FAT3: variants seen among roughly 807,000 people sequenced by gnomAD.
The protein encoded by FAT3 is FAT atypical cadherin 3.
Under a neutral mutation model 310.2 loss-of-function variants are expected in FAT3, and 95 were observed. The observed-to-expected ratio is 0.31, with a 90% CI of 0.26 to 0.36. The LOEUF is 0.36. FAT3 is among the 10% of genes least tolerant of loss of function. FAT3 has a pLI of 1.00. For synonymous variants in FAT3, 2,314 were observed against 2,192.9 expected, an observed-to-expected ratio of 1.06 and a Z score of -1.54; for missense variants, 5,408 against 5,715.6, an observed-to-expected ratio of 0.95 and a Z score of 1.74.
At chr11:92,471,951 A>G (rs907559549) in intron 2 of FAT3, among the ~76,000 whole-genome samples, 3 of 115,320 alleles carry the variant, frequency 2.6e-5, no homozygotes, top group East Asian at 2.6e-4. Flanking sequence ...ATATATATAT[A>G]TATATTCTGT....
At chr11:92,618,263 G>A (rs7928769) in intron 3 of FAT3, among the ~76,000 whole-genome samples, 1,761 of 152,328 alleles carry the variant, frequency 0.012, 41 homozygotes, top group African/African-American at 0.04. Context: ...CGCCATGGGT[G>A]TAGAACCCTC....
intron 2 of FAT3, among the ~76,000 whole-genome samples, chr11:92,461,925 C>T (rs1383444471): frequency 1.3e-5 from 2 of 152,158 alleles, no homozygotes; most frequent in African/African-American, 4.8e-5. Flanking sequence ...TTTGAAGGTA[C>T]TCCCACCCTT....
intron 2 of FAT3, among the ~76,000 whole-genome samples, chr11:92,493,724 G>A (rs748838848): frequency 6.6e-6 from 1 of 152,098 alleles, no homozygotes; most frequent in Non-Finnish European, 1.5e-5. Context: ...ATGTGGCCTA[G>A]TGCTTATAAT....
At chr11:92,521,140 GGT>G (rs144244070) in intron 2 of FAT3, among the ~76,000 whole-genome samples, 2 of 151,294 alleles carry the variant, frequency 1.3e-5, no homozygotes, top group Non-Finnish European at 1.5e-5. Context: ...AAAGTGCTTT[GGT>G]GTGTGTGTGT....
At chr11:92,507,448 G>A (rs905016172) in intron 2 of FAT3, among the ~76,000 whole-genome samples, 1 of 151,864 alleles carries the variant, frequency 6.6e-6, no homozygotes, top group African/African-American at 2.4e-5. Flanking sequence ...CATGTACTCT[G>A]ATGCTTTTAT....
At chr11:92,289,025 C>T (rs1011288664) in intron 1 of FAT3, among the ~76,000 whole-genome samples, 2 of 152,112 alleles carry the variant, frequency 1.3e-5, no homozygotes, top group Non-Finnish European at 2.9e-5. Context: ...TCAGGCCCTG[C>T]TTGCGGGACT....
intron 2 of FAT3, among the ~76,000 whole-genome samples, chr11:92,482,777 A>G (rs966216228): frequency 6.6e-6 from 1 of 152,062 alleles, no homozygotes; most frequent in Non-Finnish European, 1.5e-5. Flanking sequence ...TTCCTCAACT[A>G]CATATTCGCC....
At chr11:92,733,309 T>C (rs1440202085) in intron 4 of FAT3, among the ~76,000 whole-genome samples, 1 of 151,936 alleles carries the variant, frequency 6.6e-6, no homozygotes, top group African/African-American at 2.4e-5. Flanking sequence ...CTGATGTTAC[T>C]AGCTGAAGCC....
intron 1 of FAT3, among the ~76,000 whole-genome samples, chr11:92,299,256 C>T (rs770392278): frequency 6.6e-6 from 1 of 152,068 alleles, no homozygotes; most frequent in Non-Finnish European, 1.5e-5. Flanking sequence ...TTGTATTAGG[C>T]ATCCTGGAAG....
intron 3 of FAT3, among the ~76,000 whole-genome samples, chr11:92,569,586 T>A (rs1366772644): frequency 5.3e-5 from 8 of 152,222 alleles, no homozygotes; most frequent in Admixed American, 5.2e-4. Flanking sequence ...TTTCCAGTTG[T>A]ACTGGTGGGA....
intron 14 of FAT3, among the ~76,000 whole-genome samples, chr11:92,833,376 G>A (rs1197332631): frequency 6.6e-6 from 1 of 152,002 alleles, no homozygotes; most frequent in Non-Finnish European, 1.5e-5. Context: ...TTTTCCTTTG[G>A]GTAGTCCAGT....
intron 4 of FAT3, among the ~76,000 whole-genome samples, chr11:92,707,809 A>T (rs528482392): frequency 6.6e-5 from 10 of 152,340 alleles, no homozygotes; most frequent in African/African-American, 2.4e-4. Context: ...ACTGAAGCTC[A>T]TGCCTAATGT....
At chr11:92,238,202 TC>T (rs1435119135) in intron 1 of FAT3, among the ~76,000 whole-genome samples, 1 of 152,160 alleles carries the variant, frequency 6.6e-6, no homozygotes, top group Non-Finnish European at 1.5e-5. Context: ...AACATGAGTA[TC>T]AGGTGGATTT....
intron 3 of FAT3, among the ~76,000 whole-genome samples, chr11:92,541,625 C>T (rs185983648): frequency 4.6e-5 from 7 of 152,198 alleles, no homozygotes; most frequent in Admixed American, 2.0e-4. Flanking sequence ...TCTCAAAGTG[C>T]TTTGGGAATT....
intron 1 of FAT3, among the ~76,000 whole-genome samples, chr11:92,294,509 C>A (rs942486831): frequency 2.6e-5 from 4 of 151,858 alleles, no homozygotes; most frequent in African/African-American, 9.7e-5. Flanking sequence ...AAGTGTGGAC[C>A]TATGTAGGAC....
rs533727323 is a variant in FAT3 at position 92,689,569 on chromosome 11, A to T, written c.3608-7815A>T. ...TGCATAAGTGCATCCTCATCTAGGC[A>T]GAATCGGAAGGCAGAACCGGAGGGC... is the stretch of plus-strand genomic sequence containing the variant. On this transcript the variant is annotated intron_variant, in intron 3 of 27. Transcript: ENST00000525166. 1.6e-4 allele frequency among the ~76,000 whole-genome samples: 25 copies of T among 152,312 alleles called. 1 individual carries two copies. The highest frequency in any genetic ancestry group is 1.6e-3 in the Admixed American group (25 of 15,298).
chr11:92,428,098 C>T (rs1950676203), intron 2 of FAT3, among the ~76,000 whole-genome samples: 1 of 151,614 alleles, frequency 6.6e-6, no homozygotes, highest in African/African-American at 2.4e-5. Flanking sequence ...CTGGTTTAGT[C>T]TTGGGAGGGT....
chr11:92,516,117 A>T (rs928802445), intron 2 of FAT3, among the ~76,000 whole-genome samples: 8 of 151,978 alleles, frequency 5.3e-5, no homozygotes, highest in Non-Finnish European at 8.8e-5. Flanking sequence ...AAAAAGAGGG[A>T]CTCTTCCCTA....
At chr11:92,434,322 C>G (rs1462317750) in intron 2 of FAT3, among the ~76,000 whole-genome samples, 1 of 152,166 alleles carries the variant, frequency 6.6e-6, no homozygotes, top group Non-Finnish European at 1.5e-5. Flanking sequence ...ATCATTTCTA[C>G]TCACAGCCAA....
Sources: gnomAD v4.1 joint callset for allele counts (sites outside exome capture counted in the v4.1 genomes callset) on GRCh38, gnomAD v4.1.1 for gene constraint, MANE v1.5 for transcripts, NCBI Gene and HGNC (gene_info 2026-07-23, HGNC 2026-07-21) for gene names.